PDE1C: variants seen among roughly 807,000 people sequenced by gnomAD.
The protein encoded by PDE1C is phosphodiesterase 1C.
A neutral mutation model predicts 93.1 loss-of-function variants in PDE1C; 62 were observed. The observed-to-expected ratio is 0.67, with a 90% confidence interval of 0.54 to 0.82. The LOEUF is 0.82. Ranked by LOEUF, PDE1C falls within the 40% of genes least tolerant of loss-of-function variation. The pLI is 0.00. For missense variants in PDE1C, 742 were observed against 884.6 expected (o/e 0.84, Z 2.04); for synonymous variants, 325 against 310.1 (o/e 1.05, Z -0.50).
At chr7:31,897,852 G>GT (rs1156354580) in intron 2 of PDE1C, among the ~76,000 whole-genome samples, 1 of 151,954 alleles carries the variant, frequency 6.6e-6, no homozygotes, top group Non-Finnish European at 1.5e-5. Context: ...AAACCAATGG[G>GT]TTTTTTTAAA....
intron 2 of PDE1C, among the ~76,000 whole-genome samples, chr7:32,206,383 C>G (rs1209063758): frequency 6.6e-6 from 1 of 152,182 alleles, no homozygotes; most frequent in African/African-American, 2.4e-5. Flanking sequence ...AAGGAGCTGA[C>G]TGTCTAATAG....
intron 2 of PDE1C, among the ~76,000 whole-genome samples, chr7:32,174,103 G>A (rs1326839758): frequency 6.6e-6 from 1 of 152,040 alleles, no homozygotes; most frequent in Non-Finnish European, 1.5e-5. Flanking sequence ...ATGAAGTCTG[G>A]TTCTGCATTA....
intron 15 of PDE1C, among the ~76,000 whole-genome samples, chr7:31,809,854 C>T (rs1392561071): frequency 2.0e-5 from 3 of 152,216 alleles, no homozygotes; most frequent in East Asian, 1.9e-4. Context: ...TTCACAGTAC[C>T]TAGGCTTGAA....
At chr7:32,063,187 C>G (rs1257000929) in intron 1 of PDE1C, among the ~76,000 whole-genome samples, 1 of 152,226 alleles carries the variant, frequency 6.6e-6, no homozygotes, top group Non-Finnish European at 1.5e-5. Context: ...TCAAAGCTGT[C>G]CCAGTCTATT....
At chr7:31,630,208 G>T in the PDE1C span, among the ~76,000 whole-genome samples, 1 of 29,884 alleles carries the variant, frequency 3.3e-5, no homozygotes, top group Non-Finnish European at 6.6e-5. Flanking sequence ...ATTACCAGAG[G>T]AAAAGAGGCA....
At chr7:32,098,120 C>T (rs1483221761) in intron 3 of PDE1C, among the ~76,000 whole-genome samples, 2 of 145,772 alleles carry the variant, frequency 1.4e-5, no homozygotes, top group Non-Finnish European at 3.0e-5. Flanking sequence ...GTCCCAGCTA[C>T]TCGGGAGGCT....
At chr7:32,206,974 C>G (rs78118896) in intron 2 of PDE1C, among the ~76,000 whole-genome samples, 25,147 of 152,206 alleles carry the variant, frequency 0.17, 2,470 homozygotes, top group South Asian at 0.3. Flanking sequence ...TTCCCTAACC[C>G]TCACTTCTAG....
the PDE1C span, among the ~76,000 whole-genome samples, chr7:31,716,848 G>A: frequency 5.3e-5 from 8 of 152,196 alleles, no homozygotes; most frequent in African/African-American, 1.7e-4. Context: ...CCACCTGTGG[G>A]CATGTTGACA....
At chr7:31,698,384 A>T in the PDE1C span, among the ~76,000 whole-genome samples, 1 of 151,964 alleles carries the variant, frequency 6.6e-6, no homozygotes, top group East Asian at 1.9e-4. Flanking sequence ...ACCTCTATCT[A>T]TCCCTTCGTC....
chr7:32,182,952 T>C (rs1803548818), intron 2 of PDE1C, among the ~76,000 whole-genome samples: 1 of 152,216 alleles, frequency 6.6e-6, no homozygotes. Context: ...TTCAGCCAAG[T>C]ATCAGGATAC....
intron 1 of PDE1C, among the ~76,000 whole-genome samples, chr7:32,219,661 C>T (rs6945244): frequency 0.53 from 80,151 of 152,016 alleles, 22,632 homozygotes; most frequent in East Asian, 0.82. Flanking sequence ...ACCCTGGTGG[C>T]CACCATAAGC....
At chr7:31,861,320 C>T (rs1021695571) in intron 7 of PDE1C, among the ~76,000 whole-genome samples, 15 of 152,098 alleles carry the variant, frequency 9.9e-5, no homozygotes, top group Non-Finnish European at 1.5e-4. Context: ...CCAGGACTCA[C>T]TTCAGAGCCC....
the PDE1C span, among the ~76,000 whole-genome samples, chr7:31,729,088 T>A: frequency 6.6e-6 from 1 of 152,142 alleles, no homozygotes; most frequent in African/African-American, 2.4e-5. Flanking sequence ...AAAATATAAA[T>A]GATAAATACA....
chr7:32,194,026 T>C (rs1168836363), intron 2 of PDE1C, among the ~76,000 whole-genome samples: 1 of 148,812 alleles, frequency 6.7e-6, no homozygotes, highest in Non-Finnish European at 1.5e-5. Context: ...GCCATACTCC[T>C]GCCTCAGCCT....
At chr7:31,785,578 T>A (rs940426178) in intron 16 of PDE1C, 5 of 152,220 alleles carry the variant, frequency 3.3e-5, no homozygotes, top group African/African-American at 1.2e-4. Context: ...CAATCGTTCC[T>A]TGTTTAATAT....
intron 1 of PDE1C, among the ~76,000 whole-genome samples, chr7:32,397,030 T>C (rs1007734284): frequency 6.6e-6 from 1 of 152,078 alleles, no homozygotes; most frequent in African/African-American, 2.4e-5. Flanking sequence ...AAATACTACA[T>C]GAAAACATGG....
intron 1 of PDE1C, among the ~76,000 whole-genome samples, chr7:32,387,726 G>A (rs1470492250): frequency 3.0e-5 from 4 of 134,180 alleles, no homozygotes; most frequent in African/African-American, 1.2e-4. Flanking sequence ...GCCGGGCAGA[G>A]GGGCTCCTCA....
the PDE1C span, among the ~76,000 whole-genome samples, chr7:31,660,763 C>G: frequency 6.6e-6 from 1 of 151,958 alleles, no homozygotes. Context: ...GGACATTATA[C>G]AAGCCAATTA....
chr7:32,019,458 T>C (rs904939420), intron 2 of PDE1C, among the ~76,000 whole-genome samples: 1 of 152,162 alleles, frequency 6.6e-6, no homozygotes, highest in Admixed American at 6.6e-5. Flanking sequence ...AGGCATACCA[T>C]GCTAGCGAGC....
Sources: allele counts gnomAD v4.1 joint callset (sites outside exome capture counted in the v4.1 genomes callset), GRCh38; gene constraint gnomAD v4.1.1; transcripts MANE v1.5; gene names NCBI Gene and HGNC (gene_info 2026-07-23, HGNC 2026-07-21).